ANAPC5: variants seen among roughly 807,000 people sequenced by gnomAD.
The protein encoded by ANAPC5 is anaphase promoting complex subunit 5.
ANAPC5 carries 60 observed loss-of-function variants against 91.3 expected under a neutral mutation model. The ratio of observed to expected loss-of-function variants is 0.66; its 90% CI spans 0.53 to 0.81. The LOEUF (loss-of-function observed/expected upper bound fraction) is 0.81, where lower values mean the gene tolerates loss of function less well. ANAPC5 is among the 40% of genes least tolerant of loss of function. The pLI is 0.00. For missense variants in ANAPC5, 690 were observed against 931.5 expected, an observed-to-expected ratio of 0.74 and a Z score of 3.37; for synonymous variants, 340 against 364.1, an observed-to-expected ratio of 0.93 and a Z score of 0.75.
intron 1 of ANAPC5, 65 bp downstream of exon 1, chr12:121,352,069 T>A: frequency 1.4e-6 from 2 of 1,461,076 alleles, no homozygotes; most frequent in Non-Finnish European, 1.8e-6. Context: ...AGCCCAGGGT[T>A]CCGCACAGAG....
At chr12:121,345,303 A>C (rs900306536) in intron 4 of ANAPC5, among the ~76,000 whole-genome samples, 7 of 152,200 alleles carry the variant, frequency 4.6e-5, no homozygotes, top group Non-Finnish European at 1.0e-4. Context: ...CTTCACTCTG[A>C]TGTGATGAAC....
intron 6 of ANAPC5, 125 bp from the exon 7 acceptor site, chr12:121,335,848 GT>G: frequency 1.3e-6 from 1 of 761,862 alleles, no homozygotes; most frequent in Non-Finnish European, 2.0e-6. Flanking sequence ...GATGGTCATA[GT>G]TTAGCTTAAT....
intron 15 of ANAPC5, among the ~76,000 whole-genome samples, chr12:121,310,737 C>G (rs892695783): frequency 2.6e-5 from 4 of 151,934 alleles, no homozygotes; most frequent in Admixed American, 2.0e-4. Context: ...GGTTCGAGAC[C>G]AGCCTGGCCA....
rs1316051869 is a variant in ANAPC5, at chr12:121,342,257, C to T, written c.591-188G>A. The stretch of plus-strand genomic sequence containing the variant: ...CACAGAGCCCATAAAGAAGCCCTGG[C>T]ATGCATGGTCAAATGGTTTTTGGCA... On this transcript the variant is annotated intron_variant, in intron 4 of 16. Coordinates refer to ENST00000261819, the MANE Select transcript of ANAPC5 (RefSeq NM_016237.5). The surrounding 1 kb of genome is among the most constrained non-coding windows in gnomAD (Gnocchi z 4.1). 2.0e-5 allele frequency among the ~76,000 whole-genome samples: 3 copies of T among 152,146 alleles called. No homozygotes were observed. The highest frequency in any genetic ancestry group is 1.3e-4 in the Admixed American group (2 of 15,282).
chr12:121,348,688 A>G (rs1046870615), intron 1 of ANAPC5, among the ~76,000 whole-genome samples: 1 of 152,202 alleles, frequency 6.6e-6, no homozygotes, highest in Non-Finnish European at 1.5e-5. Flanking sequence ...AGAGTACCAC[A>G]AGGAATAAAG....
At chr12:121,351,262 A>G (rs1272458429) in intron 1 of ANAPC5, 3 of 320,332 alleles carry the variant, frequency 9.4e-6, no homozygotes, top group Non-Finnish European at 1.8e-5. Context: ...ACTCCCAGCT[A>G]CTTGGGAGGC....
At chr12:121,316,906 A>G in intron 15 of ANAPC5, among the ~76,000 whole-genome samples, 1 of 152,178 alleles carries the variant, frequency 6.6e-6, no homozygotes, top group Non-Finnish European at 1.5e-5. Flanking sequence ...TTCTTCAGCC[A>G]TGAAAAACAA....
intron 15 of ANAPC5, among the ~76,000 whole-genome samples, chr12:121,311,663 T>C (rs1248710274): frequency 6.6e-6 from 1 of 151,960 alleles, no homozygotes; most frequent in African/African-American, 2.4e-5. Flanking sequence ...CAAAAACCCA[T>C]CTCTACAAAA....
chr12:121,332,533 G>A (rs1903078824), intron 7 of ANAPC5: 1 of 151,828 alleles, frequency 6.6e-6, no homozygotes, highest in African/African-American at 2.4e-5. Context: ...ACTATGCTTA[G>A]CGTTGTTTAT....
rs985041697 is a variant in ANAPC5, at chr12:121,351,036, G to A, written c.207+1098C>T. The A allele has an allele frequency of 9.1e-6, 4 of 441,010 alleles. No individual in the cohort carries two copies. In the Admixed American group the frequency reaches 1.0e-4, roughly 11 times the overall value. The allele number at this position is 441,010 out of a possible 1,614,324, so 27.3% of individuals were successfully genotyped here. ...GAAAACTGAGACCCAAATGAATTAAGGAACTTAATTATCTGAGCTAAACCT... is the reference window on the plus strand; with the variant it reads ...GAAAACTGAGACCCAAATGAATTAAAGAACTTAATTATCTGAGCTAAACCT... On this transcript the variant is annotated intron_variant, in intron 1 of 16. Transcript: ENST00000261819.
rs1555272548 is a variant in ANAPC5 at position 121,328,476 on chromosome 12, G to A, written c.1144C>T (p.Gln382Ter). 2 of 1,613,970 alleles carry A rather than the reference G, an allele frequency of 1.2e-6. No individual in the cohort carries two copies. The highest frequency in any genetic ancestry group is 1.7e-6 in the Non-Finnish European group (2 of 1,179,996). Residue 382 changes from glutamine to a stop codon, truncating the protein, a stop_gained, in exon 10 of 17, where the codon CAG (glutamine) becomes TAG (stop). Transcript: ENST00000261819. LOFTEE classifies it high-confidence loss of function. ...AAAGCTCTCTGTTGAACAAGGGACT[G>A]TATTCCCAGGGAGGCGAGGTACTAA... ...GLPYLASLGI[Q>*]SLVQQRAFAG... is the part of the protein sequence containing the mutation.
intron 15 of ANAPC5, among the ~76,000 whole-genome samples, chr12:121,315,915 G>A (rs1483257183): frequency 6.6e-6 from 1 of 152,024 alleles, no homozygotes; most frequent in Non-Finnish European, 1.5e-5. Context: ...GATACTAAAA[G>A]CACAAGCAAC....
chr12:121,309,692 G>A lies in ANAPC5; in HGVS notation c.2056+9C>T. 1 of 1,612,540 alleles carries A rather than the reference G, an allele frequency of 6.2e-7. No homozygotes were observed. The highest frequency in any genetic ancestry group is 8.5e-7 in the Non-Finnish European group (1 of 1,179,280). ...AGCATTGCCTAACAGTCTTCGTACAGCTTCCTACCTTCTGCTTTCTTCGGC... is the reference window on the plus strand; with the variant it reads ...AGCATTGCCTAACAGTCTTCGTACAACTTCCTACCTTCTGCTTTCTTCGGC... On this transcript the variant is annotated intron_variant, in intron 16 of 16. Coordinates refer to ENST00000261819, the MANE Select transcript of ANAPC5 (RefSeq NM_016237.5).
At chr12:121,311,938 G>T (rs1393839219) in intron 15 of ANAPC5, among the ~76,000 whole-genome samples, 4 of 152,180 alleles carry the variant, frequency 2.6e-5, no homozygotes, top group Non-Finnish European at 5.9e-5. Context: ...CAAGGAAAGA[G>T]AAGACTTGAA....
rs547585149 is a variant in ANAPC5 at position 121,347,698 on chromosome 12, G to A, written c.287+104C>T. On this transcript the variant is annotated intron_variant, in intron 2 of 16. Coordinates refer to ENST00000261819, the MANE Select transcript of ANAPC5 (RefSeq NM_016237.5). ...AAAGGCTCTTGGGAAAACAACCTAG[G>A]GTAATAAAGGTATCTTTTTAAAAGA... 2.9e-4 allele frequency: 243 copies of A among 849,848 alleles called. 3 individuals carry two copies. In the South Asian group the frequency reaches 3.0e-3, roughly 11 times the overall value. The allele number at this position is 849,848 out of a possible 1,614,324, so 52.6% of individuals were successfully genotyped here.
At position 121,328,603 on chromosome 12, in the gene ANAPC5, A is replaced by T. The variant is rs1205134670; in HGVS notation, c.1123-106T>A. 12 of 1,043,706 alleles carry T rather than the reference A, an allele frequency of 1.1e-5. No homozygotes were observed. In the East Asian group the frequency reaches 2.8e-4, roughly 24 times the overall value. The allele number at this position is 1,043,706 out of a possible 1,614,324, so 64.7% of individuals were successfully genotyped here. A position where few individuals can be genotyped will look rare whatever the true frequency, so the allele number is the denominator to read the frequency against. ...TTCACATTTCAGCACATGCACAGTG[A>T]CAGCACTATTTAAAAGGAAAGTACC... On this transcript the variant is annotated intron_variant, in intron 9 of 16. Transcript: ENST00000261819.
At chr12:121,320,609 CTT>C (rs375724639) in intron 11 of ANAPC5, 150 bp from the exon 12 acceptor site, 1,116 of 444,826 alleles carry the variant, frequency 2.5e-3, no homozygotes, top group South Asian at 4.4e-3. Context: ...TCTTTTCTTT[CTT>C]TTTTTTTTTT....
intron 7 of ANAPC5, chr12:121,332,861 T>G (rs1223955611): frequency 6.6e-6 from 1 of 152,218 alleles, no homozygotes; most frequent in African/African-American, 2.4e-5. Context: ...CATAGACAAA[T>G]TCTGAGATGG....
intron 11 of ANAPC5, among the ~76,000 whole-genome samples, chr12:121,323,378 G>A (rs1007472197): frequency 6.6e-6 from 1 of 151,966 alleles, no homozygotes; most frequent in Non-Finnish European, 1.5e-5. Context: ...AGGCTGGAGT[G>A]TAGTGGTGCA....
Sources: gnomAD v4.1 joint callset for allele counts (sites outside exome capture counted in the v4.1 genomes callset) on GRCh38, gnomAD v4.1.1 for gene constraint, Gnocchi (gnomAD v3.1) non-coding constraint, MANE v1.5 for transcripts, NCBI Gene and HGNC (gene_info 2026-07-23, HGNC 2026-07-21) for gene names.